Variants in LRRN2 observed in about 807,000 individuals in gnomAD.
The protein encoded by LRRN2 is leucine-rich repeat neuronal protein 2.
In LRRN2, 10 loss-of-function variants were observed where a neutral mutation model predicts 35.7. The observed-to-expected ratio is 0.28, with a 90% confidence interval of 0.17 to 0.47. The LOEUF is 0.47. Among genes scored for constraint, LRRN2 ranks in the 20% least tolerant of loss-of-function variants. The pLI is 0.99. For missense variants in LRRN2, 731 were observed against 940.3 expected (o/e 0.78, Z 2.91); for synonymous variants, 391 against 409.6 (o/e 0.95, Z 0.55).
chr1:204,626,695 G>A (rs1198864061), intron 1 of LRRN2: 1 of 152,048 alleles, frequency 6.6e-6, no homozygotes, highest in Admixed American at 6.5e-5. Flanking sequence ...ACGGATTTTT[G>A]TGTCCCTAGA....
intron 1 of LRRN2, among the ~76,000 whole-genome samples, chr1:204,642,678 C>T (rs1411478938): frequency 3.3e-5 from 5 of 152,248 alleles, no homozygotes; most frequent in African/African-American, 7.2e-5. Flanking sequence ...CATCCCTACA[C>T]GGGATAGCTG....
chr1:204,619,914 C>G lies in LRRN2; in HGVS notation c.79G>C (p.Val27Leu). ...CAGGCACACTGAGGGGGGCAGGGAACATGCCAGGGTACCACGGGCACAGCG... is the reference window on the plus strand; with the variant it reads ...CAGGCACACTGAGGGGGGCAGGGAAGATGCCAGGGTACCACGGGCACAGCG... ...TAAVPVVPWH[V>L]PCPPQCACQI... The change falls in exon 2 of 2, where the codon GTT (valine) becomes CTT (leucine). Residue 27 changes from valine to leucine, a missense_variant. By Grantham distance (32) the Val-to-Leu change is conservative (BLOSUM62 1). Transcript: ENST00000367177. The G allele has an allele frequency of 1.2e-6, 2 of 1,613,856 alleles. No individual in the cohort carries two copies. Among genetic ancestry groups the G allele is most frequent in the Non-Finnish European group, 1.7e-6 (2 of 1,180,010 alleles).
chr1:204,672,202 G>T (rs1040829009), intron 1 of LRRN2, among the ~76,000 whole-genome samples: 8 of 152,324 alleles, frequency 5.3e-5, no homozygotes, highest in African/African-American at 1.4e-4. Flanking sequence ...AGTGGAAGAA[G>T]GAGTCTTGAG....
intron 1 of LRRN2, among the ~76,000 whole-genome samples, chr1:204,665,805 T>C (rs1241887827): frequency 1.3e-5 from 2 of 152,174 alleles, no homozygotes; most frequent in East Asian, 3.9e-4. Flanking sequence ...ACACCTGAGG[T>C]TAAGGACTTC....
At chr1:204,647,155 TAAAA>T (rs11284966) in intron 1 of LRRN2, among the ~76,000 whole-genome samples, 23 of 142,820 alleles carry the variant, frequency 1.6e-4, no homozygotes, top group Admixed American at 3.5e-4. Flanking sequence ...GCAAGGAGGT[TAAAA>T]AAAAAAAAAA....
intron 1 of LRRN2, among the ~76,000 whole-genome samples, chr1:204,640,890 C>T (rs536122583): frequency 3.3e-5 from 5 of 152,048 alleles, no homozygotes; most frequent in South Asian, 2.1e-4. Context: ...ACATCATTAC[C>T]GCCCAAGTCT....
At chr1:204,654,089 AC>A (rs1471618348) in intron 1 of LRRN2, among the ~76,000 whole-genome samples, 3 of 151,728 alleles carry the variant, frequency 2.0e-5, no homozygotes, top group Admixed American at 6.6e-5. Context: ...CTGGGGTCAA[AC>A]AGCTGAAGCT....
chr1:204,651,904 C>T (rs1305799111), intron 1 of LRRN2, among the ~76,000 whole-genome samples: 2 of 152,210 alleles, frequency 1.3e-5, no homozygotes, highest in East Asian at 3.9e-4. Context: ...CCTGCCCTGC[C>T]CCGAGGCTGC....
intron 1 of LRRN2, among the ~76,000 whole-genome samples, chr1:204,646,507 G>A (rs1668111187): frequency 6.6e-6 from 1 of 152,084 alleles, no homozygotes; most frequent in Non-Finnish European, 1.5e-5. Flanking sequence ...AGCTGGGGGA[G>A]CTGGCAGGGA....
chr1:204,680,087 G>A (rs1002497098), intron 1 of LRRN2, among the ~76,000 whole-genome samples: 2 of 152,196 alleles, frequency 1.3e-5, no homozygotes, highest in African/African-American at 2.4e-5. Flanking sequence ...TCAGAGAGAA[G>A]GGCTAACTCC....
chr1:204,683,229 A>G (rs2815825), intron 1 of LRRN2, among the ~76,000 whole-genome samples: 104,038 of 152,078 alleles, frequency 0.68, 37,003 homozygotes, highest in Non-Finnish European at 0.78. Context: ...AGCAAAGTCA[A>G]CAGTGCATGT....
At chr1:204,631,591 A>T (rs875093) in intron 1 of LRRN2, among the ~76,000 whole-genome samples, 3 of 150,936 alleles carry the variant, frequency 2.0e-5, no homozygotes, top group Non-Finnish European at 4.4e-5. Context: ...ATTCTACCTC[A>T]TGTAGGAAGT....
intron 1 of LRRN2, among the ~76,000 whole-genome samples, chr1:204,660,477 CTCTT>C (rs144031439): frequency 0.012 from 1,786 of 152,140 alleles, 37 homozygotes; most frequent in South Asian, 0.035. Flanking sequence ...CTGATAAATC[CTCTT>C]TCTTTATTGC....
intron 1 of LRRN2, among the ~76,000 whole-genome samples, chr1:204,659,238 G>A (rs1252232669): frequency 2.0e-5 from 3 of 152,208 alleles, no homozygotes; most frequent in Non-Finnish European, 4.4e-5. Flanking sequence ...AGGGCCTACT[G>A]TACCTCTGTC....
At position 204,618,020 on chromosome 1, in the gene LRRN2, C is replaced by A. The variant is rs769445905; in HGVS notation, c.1973G>T (p.Gly658Val). 3.7e-6 allele frequency: 6 copies of A among 1,612,754 alleles called. No individual in the cohort carries two copies. The highest frequency in any genetic ancestry group is 5.1e-6 in the Non-Finnish European group (6 of 1,179,430). Reference protein sequence around the residue: ...AHLGTGQPRKGVGGRRPLPPA... With the variant: ...AHLGTGQPRKVVGGRRPLPPA... The stretch of plus-strand genomic sequence containing the variant: ...AGGGAGAGGCCGCCTCCCACCCACA[C>A]CCTTCCTGGGTTGGCCTGTGCCAAG... The change falls in exon 2 of 2, where the codon GGT (glycine) becomes GTT (valine). Residue 658 changes from glycine to valine, a missense_variant. Physicochemically the swap from Gly to Val is moderately radical, Grantham distance 109. Transcript: ENST00000367177.
Position 204,618,907 on chromosome 1 carries a change from C to T in LRRN2, c.1086G>A (p.Gln362=), listed in dbSNP as rs756426275. 1.4e-5 allele frequency: 22 copies of T among 1,614,170 alleles called. No homozygotes were observed. The highest frequency in any genetic ancestry group is 1.6e-4 in the Middle Eastern group (1 of 6,062). Residue 362 remains glutamine, a synonymous_variant, in exon 2 of 2, where the codon CAG becomes CAA. Transcript: ENST00000367177. ...TGGGGTTGCCGTGGAGACCTACCTC[C>T]TGCAGGTTGGGCAGGGACTCCACCG... is the stretch of plus-strand genomic sequence containing the variant. The part of the protein sequence containing the change: ...QQTVESLPNL[Q]EVGLHGNPIR...
chr1:204,661,152 AGAG>A (rs1668463939), intron 1 of LRRN2, among the ~76,000 whole-genome samples: 1 of 152,198 alleles, frequency 6.6e-6, no homozygotes, highest in Non-Finnish European at 1.5e-5. Flanking sequence ...ATGGGATGGA[AGAG>A]GAGTTGTTTG....
At chr1:204,657,341 T>TACACACACACAC (rs34779515) in intron 1 of LRRN2, among the ~76,000 whole-genome samples, 7,406 of 146,932 alleles carry the variant, frequency 0.05, 218 homozygotes, top group East Asian at 0.19. Context: ...TATGTATATA[T>TACACACACACAC]ACACACACAC....
chr1:204,627,549 G>A (rs1485817551), intron 1 of LRRN2, among the ~76,000 whole-genome samples: 1 of 152,232 alleles, frequency 6.6e-6, no homozygotes, highest in Non-Finnish European at 1.5e-5. Flanking sequence ...GAGCTCTGCT[G>A]CCTGGAAGGC....
Sources: allele counts gnomAD v4.1 joint callset (sites outside exome capture counted in the v4.1 genomes callset), GRCh38; gene constraint gnomAD v4.1.1; transcripts MANE v1.5; gene names NCBI Gene and HGNC (gene_info 2026-07-23, HGNC 2026-07-21).